Variants in TMEM143 observed in about 807,000 individuals in gnomAD.
The protein encoded by TMEM143 is transmembrane protein 143.
In TMEM143, 45 loss-of-function variants were observed where a neutral mutation model predicts 40.3. That is an observed-to-expected ratio of 1.12 (90% CI 0.88 to 1.43). The LOEUF (loss-of-function observed/expected upper bound fraction) is 1.43. Among genes scored for constraint, TMEM143 ranks in the 40% most tolerant of loss-of-function variants. The pLI, the probability that TMEM143 is intolerant of heterozygous loss-of-function variation, is 0.00. For missense variants in TMEM143, 620 were observed against 613.4 expected (o/e 1.01, Z -0.11); for synonymous variants, 299 against 282.7 (o/e 1.06, Z -0.58).
At chr19:48,361,778 C>T (rs531693280) in intron 2 of TMEM143, among the ~76,000 whole-genome samples, 1 of 152,048 alleles carries the variant, frequency 6.6e-6, no homozygotes, top group Middle Eastern at 3.4e-3. Context: ...CTGCCCGCCT[C>T]GGCCTCCCAA....
At chr19:48,358,133 C>T (rs971599099) in intron 3 of TMEM143, among the ~76,000 whole-genome samples, 1 of 152,144 alleles carries the variant, frequency 6.6e-6, no homozygotes, top group Non-Finnish European at 1.5e-5. Context: ...CGTCTGTAAT[C>T]CCAACACTTT....
chr19:48,360,575 CAAAAAAAAA>C lies in TMEM143; in HGVS notation c.265-408_265-400del, dbSNP rs66559365. ...ACTAGACAACATCAAGACTCTGTCT[CAAAAAAAAA>C]AAAAAAAAAAGTTTTGTTTTGGTTG... is the stretch of plus-strand genomic sequence containing the variant. On this transcript the variant is annotated intron_variant, in intron 2 of 7. Transcript: ENST00000293261. 36 of 101,290 alleles carry C rather than the reference CAAAAAAAAA, an allele frequency of 3.6e-4. No homozygotes were observed. In the East Asian group the frequency reaches 7.8e-3, roughly 22 times the overall value. 6.3% of individuals were successfully genotyped at this position (101,290 alleles called of 1,614,324 possible).
intron 6 of TMEM143, among the ~76,000 whole-genome samples, chr19:48,334,432 TTCTTTCTTTCTTTC>T (rs1969302778): frequency 7.8e-6 from 1 of 128,396 alleles, no homozygotes; most frequent in Non-Finnish European, 1.6e-5. Context: ...CTTTCTTTCT[TTCTTTCTTTCTTTC>T]TTTCTTTCTT....
chr19:48,362,273 C>T (rs1442346682), intron 2 of TMEM143, among the ~76,000 whole-genome samples: 1 of 152,132 alleles, frequency 6.6e-6, no homozygotes, highest in Non-Finnish European at 1.5e-5. Context: ...GGTGTGGTGG[C>T]TCATACCTGT....
At position 48,351,564 on chromosome 19, in the gene TMEM143, C is replaced by T. The variant is rs144260989; in HGVS notation, c.370-6210G>A. ...CTCACCACCGCCCAGGGGGGCCCTGCAAGATCTGGCCCCAGGTCCCCCTCC... is the reference window on the plus strand; with the variant it reads ...CTCACCACCGCCCAGGGGGGCCCTGTAAGATCTGGCCCCAGGTCCCCCTCC... On this transcript the variant is annotated intron_variant, in intron 3 of 7. Coordinates refer to ENST00000293261, the MANE Select transcript of TMEM143 (RefSeq NM_018273.4). Among the ~76,000 whole-genome samples, 302 of 152,290 alleles carry T rather than the reference C, an allele frequency of 2.0e-3. 2 individuals carry two copies. Among genetic ancestry groups the T allele is most frequent in the African/African-American group, 7.1e-3 (294 of 41,576 alleles).
intron 3 of TMEM143, among the ~76,000 whole-genome samples, chr19:48,348,244 C>A (rs1339766662): frequency 6.6e-6 from 1 of 152,150 alleles, no homozygotes; most frequent in African/African-American, 2.4e-5. Context: ...GCCAGATTCT[C>A]TTCTGGAAAC....
At chr19:48,343,932 G>A (rs1969567047) in intron 4 of TMEM143, among the ~76,000 whole-genome samples, 1 of 152,096 alleles carries the variant, frequency 6.6e-6, no homozygotes, top group Admixed American at 6.6e-5. Flanking sequence ...TGTCACCCAG[G>A]CGGGAGTGCA....
chr19:48,333,524 G>A lies in TMEM143; in HGVS notation c.1166-91C>T. On this transcript the variant is annotated intron_variant, in intron 7 of 7. Coordinates refer to ENST00000293261, the MANE Select transcript of TMEM143 (RefSeq NM_018273.4). This position sits in a 1 kb window ranked among gnomAD's most constrained non-coding sequence, Gnocchi z 4.1. ...AGGAGGGGCGTAGGGCAAAGAACAGGAAGGGCCTGGGTTTGGGAGAAGCCT... is the reference window on the plus strand; with the variant it reads ...AGGAGGGGCGTAGGGCAAAGAACAGAAAGGGCCTGGGTTTGGGAGAAGCCT... 1 of 861,618 alleles carries A rather than the reference G, an allele frequency of 1.2e-6. No individual in the cohort carries two copies. The highest frequency in any genetic ancestry group is 1.8e-6 in the Non-Finnish European group (1 of 552,340). The allele number at this position is 861,618 out of a possible 1,614,324, so 53.4% of individuals were successfully genotyped here. A position where few individuals can be genotyped will look rare whatever the true frequency, so the allele number is the denominator to read the frequency against.
chr19:48,352,106 G>C (rs1416329532), intron 3 of TMEM143, among the ~76,000 whole-genome samples: 2 of 151,538 alleles, frequency 1.3e-5, no homozygotes, highest in Non-Finnish European at 2.9e-5. Flanking sequence ...AATTAGCTGA[G>C]CGCGGTGGTG....
intron 3 of TMEM143, among the ~76,000 whole-genome samples, chr19:48,346,025 A>G (rs1196747172): frequency 6.9e-6 from 1 of 145,316 alleles, no homozygotes; most frequent in Non-Finnish European, 1.5e-5. Flanking sequence ...CATGTGATCT[A>G]CCCACCTCGG....
At chr19:48,363,747 T>C in intron 1 of TMEM143, 151 bp downstream of exon 1, 1 of 1,440,046 alleles carries the variant, frequency 6.9e-7, no homozygotes, top group Non-Finnish European at 9.6e-7. Flanking sequence ...TGGGGCGTTT[T>C]TCAGGCCCAG....
chr19:48,348,865 C>T (rs1289989691), intron 3 of TMEM143, among the ~76,000 whole-genome samples: 13 of 152,158 alleles, frequency 8.5e-5, no homozygotes, highest in Admixed American at 8.5e-4. Context: ...CCCTCGGTCA[C>T]TCCATACCAT....
In TMEM143 at chr19:48,345,207, T is replaced by G. The variant is rs1195384589; in HGVS notation, c.517A>C (p.Thr173Pro). The G allele has an allele frequency of 6.2e-7, 1 of 1,613,592 alleles. No individual in the cohort carries two copies. Among genetic ancestry groups the G allele is most frequent in the Non-Finnish European group, 8.5e-7 (1 of 1,179,756 alleles). Residue 173 changes from threonine to proline, a missense_variant, in exon 4 of 8, where the codon ACC becomes CCC. Thr to Pro is a conservative substitution (Grantham distance 38). Transcript: ENST00000293261. ...TGGACCACCAGCGCGTAGGCCAGGG[T>G]GTCCTCAGACAGCGGGGAGAAGTTG... Reference protein sequence around the residue: ...QANFSPLSEDTLAYALVVHHP... With the variant: ...QANFSPLSEDPLAYALVVHHP...
rs1035684073 is a variant in TMEM143, at chr19:48,335,553, G to A, written c.976-1356C>T. ...CAGCCTGACCAACATGGAGAAACCC[G>A]TCTCTACTAAAAATACAAAATTAGC... On this transcript the variant is annotated intron_variant, in intron 6 of 7. Coordinates refer to ENST00000293261, the MANE Select transcript of TMEM143 (RefSeq NM_018273.4). Among the ~76,000 whole-genome samples, 5 of 152,044 alleles carry A rather than the reference G, an allele frequency of 3.3e-5. 1 individual carries two copies. Among genetic ancestry groups the A allele is most frequent in the East Asian group, 3.9e-4 (2 of 5,192 alleles).
Position 48,342,542 on chromosome 19 carries a change from C to A in TMEM143, c.963G>T (p.Leu321=), listed in dbSNP as rs1969519722. ...GGCGCATGCTCACCTTGGAGGCCCGCAGGCCCATGAAGATGGCGAAGAGCA... is the reference window on the plus strand; with the variant it reads ...GGCGCATGCTCACCTTGGAGGCCCGAAGGCCCATGAAGATGGCGAAGAGCA... ...LLLLFAIFMG[L]RASKMFGQRR... is the part of the protein sequence containing the mutation. Residue 321 remains leucine, a synonymous_variant, in exon 6 of 8, where the codon CTG becomes CTT. Transcript: ENST00000293261. The A allele has an allele frequency of 6.2e-7, 1 of 1,608,464 alleles. No homozygotes were observed. Among genetic ancestry groups the A allele is most frequent in the African/African-American group, 1.3e-5 (1 of 74,842 alleles).
chr19:48,346,357 G>A (rs900269675), intron 3 of TMEM143, among the ~76,000 whole-genome samples: 4 of 152,026 alleles, frequency 2.6e-5, no homozygotes, highest in African/African-American at 9.7e-5. Context: ...CTCCCAAAGT[G>A]AGATTACAGA....
At chr19:48,361,133 G>A (rs1970031259) in intron 2 of TMEM143, among the ~76,000 whole-genome samples, 1 of 151,886 alleles carries the variant, frequency 6.6e-6, no homozygotes. Flanking sequence ...TGAGGCTCTG[G>A]AAAAGTCATT....
intron 6 of TMEM143, among the ~76,000 whole-genome samples, chr19:48,335,026 A>G (rs2147353982): frequency 6.6e-6 from 1 of 152,300 alleles, no homozygotes; most frequent in East Asian, 1.9e-4. Flanking sequence ...AGGTTTGCAG[A>G]TGATAGGAGT....
At chr19:48,338,984 A>C (rs1969430600) in intron 6 of TMEM143, among the ~76,000 whole-genome samples, 1 of 152,062 alleles carries the variant, frequency 6.6e-6, no homozygotes, top group African/African-American at 2.4e-5. Flanking sequence ...GAGGGATGGC[A>C]GGGTGGGGGC....
Sources: gnomAD v4.1 joint callset for allele counts (sites outside exome capture counted in the v4.1 genomes callset) on GRCh38, gnomAD v4.1.1 for gene constraint, Gnocchi (gnomAD v3.1) non-coding constraint, MANE v1.5 for transcripts, NCBI Gene and HGNC (gene_info 2026-07-23, HGNC 2026-07-21) for gene names.